The following TDRP variants were observed in gnomAD, a reference collection of about 807,000 sequenced individuals.
TDRP encodes the protein testis development related protein.
TDRP carries 12 observed loss-of-function variants against 10.5 expected under a neutral mutation model. That is an observed-to-expected ratio of 1.15 (90% CI 0.73 to 1.86). The LOEUF (loss-of-function observed/expected upper bound fraction) is 1.86. TDRP is among the 40% of genes most tolerant of loss of function. TDRP has a pLI of 0.00. For missense variants in TDRP, 353 were observed against 229.2 expected (o/e 1.54, Z -3.49); for synonymous variants, 139 against 95.4 (o/e 1.46, Z -2.67).
chr8:520,339 TTATC>T (rs1287101277), intron 1 of TDRP, among the ~76,000 whole-genome samples: 3 of 152,212 alleles, frequency 2.0e-5, no homozygotes, highest in Non-Finnish European at 2.9e-5. Flanking sequence ...TATATTTTCC[TTATC>T]TATTAATCCA....
intron 1 of TDRP, among the ~76,000 whole-genome samples, chr8:514,333 G>C (rs11775731): frequency 0.12 from 18,065 of 152,198 alleles, 1,408 homozygotes; most frequent in African/African-American, 0.22. Flanking sequence ...TTCAAGAAGA[G>C]TGCCAAGACA....
At position 491,381 on chromosome 8, in the gene TDRP, C is replaced by T. The variant is rs1208998938; in HGVS notation, c.*1018G>A. 3 of 382,472 alleles carry T rather than the reference C, an allele frequency of 7.8e-6. No individual in the cohort carries two copies. The highest frequency in any genetic ancestry group is 4.1e-5 in the African/African-American group (2 of 48,282). The allele number at this position is 382,472 out of a possible 1,614,324, so 23.7% of individuals were successfully genotyped here. Reference sequence around the variant, plus strand: ...CAACCTTCCAGGGACGCATAACTGGCACCTGATACTGTGCAGGATCACATT... The same window carrying T: ...CAACCTTCCAGGGACGCATAACTGGTACCTGATACTGTGCAGGATCACATT... On this transcript the variant is annotated 3_prime_UTR_variant, in exon 3 of 3. Coordinates refer to ENST00000324079, the MANE Select transcript of TDRP (RefSeq NM_001384899.1).
intron 1 of TDRP, among the ~76,000 whole-genome samples, chr8:529,412 CATTACT>C (rs1802124175): frequency 6.6e-6 from 1 of 152,152 alleles, no homozygotes; most frequent in Non-Finnish European, 1.5e-5. Flanking sequence ...TGCTCACCAC[CATTACT>C]ATATTATAGG....
intron 1 of TDRP, among the ~76,000 whole-genome samples, chr8:529,630 G>C (rs190005823): frequency 6.6e-6 from 1 of 152,162 alleles, no homozygotes. Flanking sequence ...GGTTTTGCCA[G>C]CTACAGTATT....
intron 1 of TDRP, among the ~76,000 whole-genome samples, chr8:511,117 A>G (rs141730009): frequency 6.6e-6 from 1 of 152,228 alleles, no homozygotes. Context: ...GAAATGGCAG[A>G]TGTAAACCCA....
At position 494,505 on chromosome 8, in the gene TDRP, G is replaced by C. The variant is rs759805621; in HGVS notation, c.201C>G (p.Pro67=). The C allele has an allele frequency of 1.5e-5, 24 of 1,613,538 alleles. No homozygotes were observed. In the South Asian group the frequency reaches 1.8e-4, roughly 12 times the overall value. The change falls in exon 2 of 3, where the codon CCC becomes CCG. Residue 67 remains proline, a synonymous_variant. Coordinates refer to ENST00000324079, the MANE Select transcript of TDRP (RefSeq NM_001384899.1). ...EQHLLERCKS[P]KSKGTNLRLK... ...CAGTTATGACTTACCCTTTGGACTT[G>C]GGAGATTTACATCTTTCCAGGAGAT...
At chr8:542,845 G>A (rs1480656190) in intron 1 of TDRP, among the ~76,000 whole-genome samples, 3 of 110,154 alleles carry the variant, frequency 2.7e-5, no homozygotes, top group East Asian at 2.9e-4. Context: ...CGACAAGAGC[G>A]AAACTTCATC....
At chr8:502,952 C>A (rs560080500) in intron 1 of TDRP, among the ~76,000 whole-genome samples, 2 of 150,408 alleles carry the variant, frequency 1.3e-5, no homozygotes, top group East Asian at 4.0e-4. Flanking sequence ...GAGCCACACA[C>A]TGGAACCAAT....
chr8:517,331 T>C (rs1479166079), intron 1 of TDRP, among the ~76,000 whole-genome samples: 2 of 152,228 alleles, frequency 1.3e-5, no homozygotes, highest in Non-Finnish European at 2.9e-5. Flanking sequence ...ATTTACATTC[T>C]ATGGGGCATC....
At chr8:542,149 G>C (rs1802510914) in intron 1 of TDRP, among the ~76,000 whole-genome samples, 1 of 152,146 alleles carries the variant, frequency 6.6e-6, no homozygotes, top group African/African-American at 2.4e-5. Flanking sequence ...CTAAGTGAGA[G>C]AAACCTACCT....
intron 1 of TDRP, among the ~76,000 whole-genome samples, chr8:496,778 G>A (rs1801148444): frequency 6.6e-6 from 1 of 152,162 alleles, no homozygotes; most frequent in South Asian, 2.1e-4. Flanking sequence ...TCAGGGGAGG[G>A]ACCTGGTGGG....
At chr8:521,682 GTTT>G (rs1801909725) in intron 1 of TDRP, among the ~76,000 whole-genome samples, 1 of 151,944 alleles carries the variant, frequency 6.6e-6, no homozygotes, top group African/African-American at 2.4e-5. Flanking sequence ...TCCAGTTTTT[GTTT>G]TTGTTTTTTT....
chr8:543,422 A>C (rs370187116), intron 1 of TDRP, among the ~76,000 whole-genome samples: 48 of 152,328 alleles, frequency 3.2e-4, no homozygotes, highest in African/African-American at 1.1e-3. Flanking sequence ...CTATCCAGAA[A>C]CAATAATATG....
chr8:527,307 G>T (rs1276600761), intron 1 of TDRP, among the ~76,000 whole-genome samples: 1 of 152,098 alleles, frequency 6.6e-6, no homozygotes, highest in African/African-American at 2.4e-5. Context: ...TCATGGACTG[G>T]AAGAGTCACT....
At chr8:532,678 G>A (rs1354217501) in intron 1 of TDRP, among the ~76,000 whole-genome samples, 1 of 152,204 alleles carries the variant, frequency 6.6e-6, no homozygotes, top group African/African-American at 2.4e-5. Flanking sequence ...TTAGCATTAA[G>A]ACTTCCTATT....
chr8:528,923 C>G (rs891189232), intron 1 of TDRP, among the ~76,000 whole-genome samples: 16 of 152,092 alleles, frequency 1.1e-4, no homozygotes, highest in Admixed American at 7.2e-4. Flanking sequence ...AACAGGATGT[C>G]TGCAAGCTGA....
At chr8:509,472 A>C (rs1178504966) in intron 1 of TDRP, among the ~76,000 whole-genome samples, 6 of 152,226 alleles carry the variant, frequency 3.9e-5, no homozygotes. Flanking sequence ...ACCAAGTGGA[A>C]GCAGCCAAGG....
At chr8:507,694 C>G (rs1034530712) in intron 1 of TDRP, among the ~76,000 whole-genome samples, 3 of 152,080 alleles carry the variant, frequency 2.0e-5, no homozygotes, top group Non-Finnish European at 4.4e-5. Context: ...ATAATCCAGC[C>G]AATCACTAAG....
At chr8:515,273 T>C (rs1801727722) in intron 1 of TDRP, among the ~76,000 whole-genome samples, 1 of 151,714 alleles carries the variant, frequency 6.6e-6, no homozygotes, top group East Asian at 1.9e-4. Context: ...TTAGCAATCA[T>C]TCAGACAGAA....
Sources: allele counts gnomAD v4.1 joint callset (sites outside exome capture counted in the v4.1 genomes callset), GRCh38; gene constraint gnomAD v4.1.1; transcripts MANE v1.5; gene names NCBI Gene and HGNC (gene_info 2026-07-23, HGNC 2026-07-21).